The following CCDC9 variants were observed in gnomAD, a reference collection of about 807,000 sequenced individuals.
CCDC9 encodes coiled-coil domain-containing protein 9.
In CCDC9, 52 loss-of-function variants were observed where a neutral mutation model predicts 65.6. The observed-to-expected ratio is 0.79, with a 90% CI of 0.63 to 1.00. The LOEUF is 1.00. Ranked by LOEUF, CCDC9 falls within the 50% of genes least tolerant of loss-of-function variation. The probability of loss-of-function intolerance (pLI) is 0.00; values close to 1 mark genes in which losing one functional copy is unlikely to be tolerated. For synonymous variants in CCDC9, 332 were observed against 280.3 expected (o/e 1.18, Z -1.84); for missense variants, 834 against 757.2 (o/e 1.10, Z -1.19).
chr19:47,268,385 G>T (rs1265133134), intron 8 of CCDC9, among the ~76,000 whole-genome samples: 1 of 152,086 alleles, frequency 6.6e-6, no homozygotes, highest in African/African-American at 2.4e-5. Context: ...CCTATAACTT[G>T]TTTTTTGGCT....
chr19:47,261,499 G>A (rs1254250808), intron 5 of CCDC9, among the ~76,000 whole-genome samples: 1 of 152,054 alleles, frequency 6.6e-6, no homozygotes, highest in Non-Finnish European at 1.5e-5. Context: ...CTGGCCTTGG[G>A]CAGCTCACTT....
At position 47,265,515 on chromosome 19, in the gene CCDC9, C is replaced by T. The variant is rs139638729; in HGVS notation, c.720+569C>T. On this transcript the variant is annotated intron_variant, in intron 7 of 11. Transcript: ENST00000221922. ...TAGAAGAGGAGGCAGGGGCAGTGTC[C>T]TTGCACTTGGTGGTCCACCCCTAAA... Among the ~76,000 whole-genome samples, 356 of 152,186 alleles carry T rather than the reference C, an allele frequency of 2.3e-3. 1 individual carries two copies. The highest frequency in any genetic ancestry group is 4.3e-3 in the Non-Finnish European group (292 of 68,010).
At chr19:47,274,593 G>A (rs1483175378), downstream of CCDC9, 4 of 193,658 alleles carry the variant, frequency 2.1e-5, no homozygotes, top group Non-Finnish European at 2.0e-5. Flanking sequence ...CGGGCTAGAT[G>A]CCTGGGCTGG....
At chr19:47,273,649 G>C (rs1355284435), downstream of CCDC9, 4 of 392,422 alleles carry the variant, frequency 1.0e-5, no homozygotes, top group Non-Finnish European at 1.8e-5. Context: ...GGACGTCACG[G>C]CACTGGGACG....
At chr19:47,269,784 G>A (rs2059103753) in intron 8 of CCDC9, among the ~76,000 whole-genome samples, 1 of 152,184 alleles carries the variant, frequency 6.6e-6, no homozygotes, top group African/African-American at 2.4e-5. Flanking sequence ...TGGTGGAAGA[G>A]CCTGCTTAGC....
At position 47,271,619 on chromosome 19, in the gene CCDC9, A is replaced by C; in HGVS notation, c.1537A>C (p.Thr513Pro). Residue 513 changes from threonine (T) to proline (P), a missense_variant, in exon 12 of 12, where the codon ACC (threonine) becomes CCC (proline). By Grantham distance (38) the Thr-to-Pro change is conservative. Coordinates refer to ENST00000221922, the MANE Select transcript of CCDC9 (RefSeq NM_015603.3). Reference sequence around the variant, plus strand: ...AGAGGTGGAGCTGAATTCTCCCCGGACCACTCACCTGGCTGGCGCCCTCTC... The same window carrying C: ...AGAGGTGGAGCTGAATTCTCCCCGGCCCACTCACCTGGCTGGCGCCCTCTC... Reference protein sequence around the residue: ...GEEVELNSPRTTHLAGALSPG... With the variant: ...GEEVELNSPRPTHLAGALSPG... The C allele has an allele frequency of 6.2e-7, 1 of 1,608,798 alleles. No individual in the cohort carries two copies. The highest frequency in any genetic ancestry group is 8.5e-7 in the Non-Finnish European group (1 of 1,177,892).
At chr19:47,261,513 C>T (rs374715671) in intron 5 of CCDC9, among the ~76,000 whole-genome samples, 2 of 152,068 alleles carry the variant, frequency 1.3e-5, no homozygotes, top group East Asian at 3.9e-4. Flanking sequence ...CTCACTTCCC[C>T]TGTGAGCTTC....
At position 47,271,543 on chromosome 19, in the gene CCDC9, C is replaced by A. The variant is rs1007843105; in HGVS notation, c.1461C>A (p.Ser487=). 12 of 1,613,238 alleles carry A rather than the reference C, an allele frequency of 7.4e-6. No homozygotes were observed. Among genetic ancestry groups the A allele is most frequent in the Non-Finnish European group, 1.0e-5 (12 of 1,179,942 alleles). ...AGCCCCAGGCCCCTGGCACGCCTTCCAGCCCTTTCTCACCACCCAGCGGCC... is the reference window on the plus strand; with the variant it reads ...AGCCCCAGGCCCCTGGCACGCCTTCAAGCCCTTTCTCACCACCCAGCGGCC... ...LLEPQAPGTP[S]SPFSPPSGHQ... is the part of the protein sequence containing the mutation. The change falls in exon 12 of 12, where the codon TCC becomes TCA. Residue 487 remains serine (S), a synonymous_variant. Coordinates refer to ENST00000221922, the MANE Select transcript of CCDC9 (RefSeq NM_015603.3).
At chr19:47,275,271 A>T (rs1393997055), downstream of CCDC9, 1 of 1,543,776 alleles carries the variant, frequency 6.5e-7, no homozygotes, top group South Asian at 1.2e-5. Context: ...CCGCCGCTAC[A>T]GCGACCCTGA....
downstream of CCDC9, chr19:47,273,884 C>T (rs1030038766): frequency 1.8e-5 from 14 of 769,542 alleles, no homozygotes; most frequent in Non-Finnish European, 2.1e-5. Context: ...CTGTGCTTGG[C>T]GGGCTTTTCT....
rs1163663700 is a variant in CCDC9, at chr19:47,260,743, A to T, written c.366A>T (p.Gly122=). 6.2e-7 allele frequency: 1 copy of T among 1,604,764 alleles called. No homozygotes were observed. The highest frequency in any genetic ancestry group is 8.5e-7 in the Non-Finnish European group (1 of 1,176,428). The part of the protein sequence containing the change: ...WEGSPGEQPR[G]GGAGGRGRRG... ...GCAGCCCCGGGGAGCAGCCTCGAGG[A>T]GGAGGAGCTGGGGGCCGTGGCCGGA... Residue 122 remains glycine, a synonymous_variant, in exon 5 of 12, where the codon GGA becomes GGT. Coordinates refer to ENST00000221922, the MANE Select transcript of CCDC9 (RefSeq NM_015603.3).
downstream of CCDC9, chr19:47,274,712 A>T: frequency 1.2e-5 from 2 of 169,006 alleles, no homozygotes; most frequent in Non-Finnish European, 1.9e-5. Context: ...GCGGGGTAGC[A>T]CCTCCGCCTG....
At chr19:47,260,002 G>T (rs1265473949) in intron 3 of CCDC9, among the ~76,000 whole-genome samples, 4 of 152,160 alleles carry the variant, frequency 2.6e-5, no homozygotes, top group Non-Finnish European at 5.9e-5. Flanking sequence ...GCAGGTTTCA[G>T]CCTGGTATGT....
intron 1 of CCDC9, chr19:47,258,011 G>A (rs192393056): frequency 5.4e-4 from 146 of 268,670 alleles, no homozygotes; most frequent in African/African-American, 3.1e-3. Context: ...AGGGTGTGGC[G>A]GCTGGCCTAG....
intron 1 of CCDC9, among the ~76,000 whole-genome samples, chr19:47,257,012 A>G (rs994123707): frequency 3.5e-4 from 36 of 103,096 alleles, no homozygotes; most frequent in South Asian, 2.4e-3. Context: ...GGCTGACGCA[A>G]TGGCGGGGGC....
At chr19:47,269,316 G>C (rs1192620547) in intron 8 of CCDC9, among the ~76,000 whole-genome samples, 1 of 151,966 alleles carries the variant, frequency 6.6e-6, no homozygotes, top group Non-Finnish European at 1.5e-5. Flanking sequence ...GTGGAGGTTA[G>C]AATTTTAGAC....
Position 47,260,738 on chromosome 19 carries a change from CGAG to C in CCDC9, c.371_373del (p.Gly124del), listed in dbSNP as rs769576487. The C allele has an allele frequency of 3.7e-6, 6 of 1,602,094 alleles. No homozygotes were observed. The highest frequency in any genetic ancestry group is 1.7e-5 in the Admixed American group (1 of 57,270). On this transcript the variant is annotated inframe_deletion, in exon 5 of 12. Coordinates refer to ENST00000221922, the MANE Select transcript of CCDC9 (RefSeq NM_015603.3). ...GGAGGGCAGCCCCGGGGAGCAGCCT[CGAG>C]GAGGAGGAGCTGGGGGCCGTGGCCG...
At chr19:47,259,405 G>A (rs2059030821) in intron 3 of CCDC9, among the ~76,000 whole-genome samples, 1 of 152,076 alleles carries the variant, frequency 6.6e-6, no homozygotes, top group South Asian at 2.1e-4. Context: ...TGGTGGGTGC[G>A]AGGAGGTGAT....
chr19:47,274,814 C>A (rs1247115235), downstream of CCDC9: 7 of 729,362 alleles, frequency 9.6e-6, no homozygotes, highest in East Asian at 5.7e-5. Context: ...GGGGCGGGGC[C>A]GGAGGCGGGC....
Sources: gnomAD v4.1 joint callset for allele counts (sites outside exome capture counted in the v4.1 genomes callset) on GRCh38, gnomAD v4.1.1 for gene constraint, MANE v1.5 for transcripts, NCBI Gene and HGNC (gene_info 2026-07-23, HGNC 2026-07-21) for gene names.